The following MYOM2 variants were observed in gnomAD, a reference collection of about 807,000 sequenced individuals.
The protein encoded by MYOM2 is myomesin 2, also known as myomesin-2.
A neutral mutation model predicts 187.6 loss-of-function variants in MYOM2; 254 were observed. The observed-to-expected ratio is 1.35, with a 90% CI of 1.22 to 1.50. The LOEUF (loss-of-function observed/expected upper bound fraction) is 1.50, where lower values mean the gene tolerates loss of function less well. Ranked by LOEUF, MYOM2 falls within the 40% of genes most tolerant of loss-of-function variation. The pLI, the probability that MYOM2 is intolerant of heterozygous loss-of-function variation, is 0.00. For missense variants in MYOM2, 2,796 were observed against 1,924.0 expected, an observed-to-expected ratio of 1.45 and a Z score of -8.48; for synonymous variants, 981 against 753.8, an observed-to-expected ratio of 1.30 and a Z score of -4.94.
At chr8:2,100,109 T>TTTCCTTCCTTCCTTACTTCCTTCCTTCC (rs1585905485) in intron 19 of MYOM2, among the ~76,000 whole-genome samples, 1 of 64,510 alleles carries the variant, frequency 1.6e-5, no homozygotes, top group Non-Finnish European at 2.9e-5. Context: ...TCCTTCCTTC[T>TTTCCTTCCTTCCTTACTTCCTTCCTTCC]TTCTTTCCTT....
At chr8:2,137,564 T>TTG (rs35420025) in intron 32 of MYOM2, among the ~76,000 whole-genome samples, 3,533 of 150,168 alleles carry the variant, frequency 0.024, 61 homozygotes, top group East Asian at 0.043. Flanking sequence ...CTGTGCCTGG[T>TTG]TGTGTGTGTG....
chr8:2,069,426 A>G (rs764136273), intron 7 of MYOM2, 21 bp from the exon 8 acceptor site: 3 of 1,613,910 alleles, frequency 1.9e-6, no homozygotes, highest in Middle Eastern at 1.6e-4. Flanking sequence ...TTTCTGCTGC[A>G]CTCACTTTGC....
At chr8:2,059,674 A>C (rs1237035075) in intron 6 of MYOM2, among the ~76,000 whole-genome samples, 2 of 151,866 alleles carry the variant, frequency 1.3e-5, no homozygotes, top group Non-Finnish European at 1.5e-5. Context: ...TCATCTATAC[A>C]TCCAGCACCC....
chr8:2,050,662 G>A (rs371416392), intron 1 of MYOM2, 93 bp from the exon 2 acceptor site: 2 of 665,562 alleles, frequency 3.0e-6, no homozygotes, highest in African/African-American at 3.6e-5. Context: ...TTATTAACTG[G>A]AGTTCATTTT....
intron 17 of MYOM2, among the ~76,000 whole-genome samples, chr8:2,095,811 A>G (rs1796462297): frequency 6.6e-6 from 1 of 152,196 alleles, no homozygotes; most frequent in African/African-American, 2.4e-5. Context: ...CTAACTGTGC[A>G]GGAAATTAAA....
intron 36 of MYOM2, among the ~76,000 whole-genome samples, chr8:2,144,137 C>A (rs1215766049): frequency 6.6e-6 from 1 of 152,196 alleles, no homozygotes; most frequent in Non-Finnish European, 1.5e-5. Flanking sequence ...CTTGAGATCT[C>A]ATCTTAAGGA....
chr8:2,058,087 C>T (rs1385666803), intron 5 of MYOM2, among the ~76,000 whole-genome samples: 1 of 135,906 alleles, frequency 7.4e-6, no homozygotes, highest in Non-Finnish European at 1.5e-5. Flanking sequence ...GGTGTGATCT[C>T]AGCTCAGTGC....
At chr8:2,099,538 T>A (rs930978966) in intron 19 of MYOM2, among the ~76,000 whole-genome samples, 2 of 152,248 alleles carry the variant, frequency 1.3e-5, no homozygotes, top group African/African-American at 4.8e-5. Context: ...GGGCTTCTGC[T>A]TCTAAAAGGC....
intron 10 of MYOM2, 62 bp from the exon 11 acceptor site, chr8:2,076,079 G>A (rs1747336664): frequency 2.6e-6 from 4 of 1,526,730 alleles, no homozygotes; most frequent in Admixed American, 1.9e-5. Flanking sequence ...GCTGTAAACA[G>A]GCTTTGCAGT....
rs779126358 is a variant in MYOM2 at position 2,110,544 on chromosome 8, TATTG to T, written c.3180+1014_3180+1017del. The stretch of plus-strand genomic sequence containing the variant: ...GGACAGCCCTATTTCATGGGGACTT[TATTG>T]TTCAGTGGTGGCTTGGGGCTCTCTC... On this transcript the variant is annotated intron_variant, in intron 25 of 36. Coordinates refer to ENST00000262113, the MANE Select transcript of MYOM2 (RefSeq NM_003970.4). Among the ~76,000 whole-genome samples the T allele has an allele frequency of 4.6e-5, 7 of 152,322 alleles. No homozygotes were observed. In the South Asian group the frequency reaches 1.5e-3, roughly 32 times the overall value.
intron 6 of MYOM2, among the ~76,000 whole-genome samples, chr8:2,066,665 C>T (rs1320668340): frequency 2.6e-5 from 4 of 152,228 alleles, no homozygotes; most frequent in Non-Finnish European, 5.9e-5. Context: ...CAGGCATGTT[C>T]TGAGAGGCAG....
chr8:2,133,438 G>A (rs994983389), intron 32 of MYOM2, among the ~76,000 whole-genome samples: 2 of 152,092 alleles, frequency 1.3e-5, no homozygotes, highest in Admixed American at 6.5e-5. Flanking sequence ...CCTCGGAGGC[G>A]CCGGCTCTGT....
intron 6 of MYOM2, among the ~76,000 whole-genome samples, chr8:2,060,574 A>G (rs763327606): frequency 6.6e-6 from 1 of 152,170 alleles, no homozygotes; most frequent in Non-Finnish European, 1.5e-5. Context: ...TATTCTGACT[A>G]AACTGTAAAG....
chr8:2,100,550 A>T, intron 19 of MYOM2: 1 of 294,882 alleles, frequency 3.4e-6, no homozygotes, highest in Non-Finnish European at 6.5e-6. Flanking sequence ...AGCCCCGTGG[A>T]GGGTAACTTG....
chr8:2,060,191 C>G (rs1235060997), intron 6 of MYOM2, among the ~76,000 whole-genome samples: 1 of 152,138 alleles, frequency 6.6e-6, no homozygotes, highest in African/African-American at 2.4e-5. Flanking sequence ...TCCTATGGCT[C>G]TCATGTTAAT....
chr8:2,079,536 G>GTCAA (rs1563438131), intron 12 of MYOM2, 24 bp from the exon 13 acceptor site: 8 of 1,613,262 alleles, frequency 5.0e-6, no homozygotes, highest in African/African-American at 1.3e-5. Flanking sequence ...ATGTCAAATC[G>GTCAA]AGTGTCAACC....
At chr8:2,078,201 G>A (rs923692148) in intron 11 of MYOM2, among the ~76,000 whole-genome samples, 3 of 152,308 alleles carry the variant, frequency 2.0e-5, no homozygotes, top group South Asian at 2.1e-4. Flanking sequence ...CACATGAGAG[G>A]CATTCTAGAA....
chr8:2,115,058 T>G (rs1797193296), intron 25 of MYOM2, among the ~76,000 whole-genome samples: 1 of 151,880 alleles, frequency 6.6e-6, no homozygotes, highest in African/African-American at 2.4e-5. Flanking sequence ...TTAGAGTTAT[T>G]TAAGTGAAAA....
chr8:2,120,689 A>ATATATATATATATAT, intron 28 of MYOM2, among the ~76,000 whole-genome samples: 22 of 42,382 alleles, frequency 5.2e-4, no homozygotes, highest in Non-Finnish European at 7.0e-4. Flanking sequence ...ATTATATATA[A>ATATATATATATATAT]ATATATAATA....
Sources: gnomAD v4.1 joint callset for allele counts (sites outside exome capture counted in the v4.1 genomes callset) on GRCh38, gnomAD v4.1.1 for gene constraint, MANE v1.5 for transcripts, NCBI Gene and HGNC (gene_info 2026-07-23, HGNC 2026-07-21) for gene names.